The following ZC3H12C variants were observed in gnomAD, a reference collection of about 807,000 sequenced individuals.
The protein encoded by ZC3H12C is probable ribonuclease ZC3H12C.
A neutral mutation model predicts 76.3 loss-of-function variants in ZC3H12C; 20 were observed. The observed-to-expected ratio is 0.26, with a 90% CI of 0.18 to 0.38. The LOEUF (loss-of-function observed/expected upper bound fraction) is 0.38. Ranked by LOEUF, ZC3H12C falls within the 10% of genes least tolerant of loss-of-function variation. The pLI is 1.00. For missense variants in ZC3H12C, 874 were observed against 1,086.5 expected (o/e 0.80, Z 2.75); for synonymous variants, 352 against 399.6 (o/e 0.88, Z 1.42).
intron 1 of ZC3H12C, among the ~76,000 whole-genome samples, chr11:110,135,490 CAAAAAAAAAAA>C (rs60107794): frequency 5.2e-5 from 5 of 95,312 alleles, no homozygotes; most frequent in African/African-American, 2.1e-4. Flanking sequence ...ACTCCCGTCT[CAAAAAAAAAAA>C]AAAAAAAAAA....
At position 110,153,347 on chromosome 11, in the gene ZC3H12C, G is replaced by A. The variant is rs142237265; in HGVS notation, c.913+289G>A. Among the ~76,000 whole-genome samples, 1,258 of 152,046 alleles carry A rather than the reference G, an allele frequency of 8.3e-3. 22 individuals are homozygous for A. Among genetic ancestry groups the A allele is most frequent in the African/African-American group, 0.029 (1,200 of 41,490 alleles). Reference sequence around the variant, plus strand: ...GGATTACAGGCGTGTGCCACCACACGCAGCTTATTTTTGTATTTTTAGTAG... The same window carrying A: ...GGATTACAGGCGTGTGCCACCACACACAGCTTATTTTTGTATTTTTAGTAG... On this transcript the variant is annotated intron_variant, in intron 3 of 5. Transcript: ENST00000278590.
At chr11:110,121,826 T>C (rs1362958406) in intron 1 of ZC3H12C, among the ~76,000 whole-genome samples, 6 of 152,218 alleles carry the variant, frequency 3.9e-5, no homozygotes, top group Non-Finnish European at 8.8e-5. Flanking sequence ...TCTTGGGTCA[T>C]AGTGGGTTTG....
chr11:110,097,697 T>C (rs1387022829), intron 1 of ZC3H12C, among the ~76,000 whole-genome samples: 3 of 152,220 alleles, frequency 2.0e-5, no homozygotes, highest in African/African-American at 7.2e-5. Context: ...AGGGTTCCAA[T>C]TAATTTAGCC....
At chr11:110,129,903 A>T (rs1441042558) in intron 1 of ZC3H12C, among the ~76,000 whole-genome samples, 1 of 152,184 alleles carries the variant, frequency 6.6e-6, no homozygotes, top group Admixed American at 6.5e-5. Flanking sequence ...AGTATTATAC[A>T]TATTGCAGCC....
At chr11:110,115,890 A>G (rs1218092491) in intron 1 of ZC3H12C, among the ~76,000 whole-genome samples, 2 of 151,506 alleles carry the variant, frequency 1.3e-5, no homozygotes, top group Non-Finnish European at 2.9e-5. Context: ...CCTCACAAGT[A>G]GCTAGGATTA....
chr11:110,170,895 CTTAA>C lies in ZC3H12C; in HGVS notation c.*5162_*5165del, dbSNP rs1252517522. 1 of 152,128 alleles carries C rather than the reference CTTAA, an allele frequency of 6.6e-6. No individual in the cohort carries two copies. Among genetic ancestry groups the C allele is most frequent in the Non-Finnish European group, 1.5e-5 (1 of 68,014 alleles). 9.4% of individuals were successfully genotyped at this position (152,128 alleles called of 1,614,324 possible). A position where few individuals can be genotyped will look rare whatever the true frequency, so the allele number is the denominator to read the frequency against. On this transcript the variant is annotated 3_prime_UTR_variant, in exon 6 of 6. Transcript: ENST00000278590. ...GTTTTTCCTTAATACTTTCTGTTAA[CTTAA>C]TTATTACTCCTGTTGCAGTGTTACT... is the stretch of plus-strand genomic sequence containing the variant.
At chr11:110,122,585 G>A (rs944440385) in intron 1 of ZC3H12C, among the ~76,000 whole-genome samples, 2 of 152,108 alleles carry the variant, frequency 1.3e-5, no homozygotes, top group African/African-American at 4.8e-5. Context: ...ACTTCATGAT[G>A]GTGCGAAAGC....
rs1331617075 is a variant in ZC3H12C at position 110,170,486 on chromosome 11, T to G, written c.*4749T>G. ...TATTGTAATTTCACATGCTATAGCT[T>G]TATTCTGTAAGATTAAAAATTGTGA... On this transcript the variant is annotated 3_prime_UTR_variant, in exon 6 of 6. Coordinates refer to ENST00000278590, the MANE Select transcript of ZC3H12C (RefSeq NM_033390.2). 6.6e-6 allele frequency: 1 copy of G among 152,224 alleles called. No individual in the cohort carries two copies. Among genetic ancestry groups the G allele is most frequent in the African/African-American group, 2.4e-5 (1 of 41,472 alleles). The allele number at this position is 152,224 out of a possible 1,614,324, so 9.4% of individuals were successfully genotyped here.
intron 1 of ZC3H12C, among the ~76,000 whole-genome samples, chr11:110,111,969 G>A (rs1251351222): frequency 6.7e-5 from 5 of 74,976 alleles, no homozygotes; most frequent in East Asian, 1.0e-3. Flanking sequence ...TCATGCACAC[G>A]TGCACACATG....
intron 1 of ZC3H12C, among the ~76,000 whole-genome samples, chr11:110,096,177 A>G (rs1188469744): frequency 6.6e-6 from 1 of 152,228 alleles, no homozygotes; most frequent in African/African-American, 2.4e-5. Flanking sequence ...TGATCAATCA[A>G]GAATGTGATT....
Position 110,167,385 on chromosome 11 carries a change from A to G in ZC3H12C, c.*1648A>G, listed in dbSNP as rs1426818477. On this transcript the variant is annotated 3_prime_UTR_variant, in exon 6 of 6. Coordinates refer to ENST00000278590, the MANE Select transcript of ZC3H12C (RefSeq NM_033390.2). Reference sequence around the variant, plus strand: ...CATTTTATCCCTTATTTAAATACAAATTTTTAAAGTAAAATTGAGGTCTAG... The same window carrying G: ...CATTTTATCCCTTATTTAAATACAAGTTTTTAAAGTAAAATTGAGGTCTAG... The G allele has an allele frequency of 6.6e-6, 1 of 152,200 alleles. No individual in the cohort carries two copies. Among genetic ancestry groups the G allele is most frequent in the East Asian group, 1.9e-4 (1 of 5,206 alleles). The allele number at this position is 152,200 out of a possible 1,614,324, so 9.4% of individuals were successfully genotyped here.
intron 1 of ZC3H12C, among the ~76,000 whole-genome samples, chr11:110,134,357 C>T (rs1456733277): frequency 5.3e-5 from 8 of 152,170 alleles, no homozygotes; most frequent in Non-Finnish European, 8.8e-5. Context: ...ATGTTAAAGG[C>T]GTGCAGCTTA....
At chr11:110,104,163 C>T (rs1365020700) in intron 1 of ZC3H12C, among the ~76,000 whole-genome samples, 1 of 152,008 alleles carries the variant, frequency 6.6e-6, no homozygotes, top group Non-Finnish European at 1.5e-5. Context: ...CGTGCCTCAA[C>T]CTCTCGGGTA....
intron 1 of ZC3H12C, among the ~76,000 whole-genome samples, chr11:110,125,409 C>T (rs1337347731): frequency 6.6e-6 from 1 of 151,850 alleles, no homozygotes; most frequent in Non-Finnish European, 1.5e-5. Context: ...GCAACCTCCA[C>T]CTCCAGGTTC....
At chr11:110,102,719 A>G (rs1861240557) in intron 1 of ZC3H12C, among the ~76,000 whole-genome samples, 1 of 152,204 alleles carries the variant, frequency 6.6e-6, no homozygotes, top group South Asian at 2.1e-4. Flanking sequence ...CTTTCATGGA[A>G]GGAAGGGGAA....
intron 3 of ZC3H12C, among the ~76,000 whole-genome samples, chr11:110,156,978 A>G (rs1477454182): frequency 6.6e-6 from 1 of 152,148 alleles, no homozygotes; most frequent in African/African-American, 2.4e-5. Context: ...CAGGAGTTCG[A>G]GACCACCCTG....
chr11:110,135,700 T>C (rs1861945969), intron 1 of ZC3H12C, among the ~76,000 whole-genome samples: 1 of 151,980 alleles, frequency 6.6e-6, no homozygotes, highest in Non-Finnish European at 1.5e-5. Flanking sequence ...GGAAAAAAGA[T>C]CACTTTTTAA....
chr11:110,116,293 ATC>A (rs35108895), intron 1 of ZC3H12C, among the ~76,000 whole-genome samples: 6,746 of 152,244 alleles, frequency 0.044, 467 homozygotes, highest in Admixed American at 0.18. Flanking sequence ...CAGCACTTTA[ATC>A]TTCAATAATT....
At chr11:110,098,614 T>TA (rs1426985134) in intron 1 of ZC3H12C, among the ~76,000 whole-genome samples, 1 of 152,228 alleles carries the variant, frequency 6.6e-6, no homozygotes, top group African/African-American at 2.4e-5. Flanking sequence ...GTACCATTTT[T>TA]ATCTTATAGA....
Sources: allele counts gnomAD v4.1 joint callset (sites outside exome capture counted in the v4.1 genomes callset), GRCh38; gene constraint gnomAD v4.1.1; transcripts MANE v1.5; gene names NCBI Gene and HGNC (gene_info 2026-07-23, HGNC 2026-07-21).